The following SELPLG variants were observed in gnomAD, a reference collection of about 807,000 sequenced individuals.
SELPLG encodes the protein selectin P ligand, also known as P-selectin glycoprotein ligand 1.
Under a neutral mutation model 1.1 loss-of-function variants are expected in SELPLG, and 2 were observed. The observed-to-expected ratio is 1.82, with a 90% CI of 0.74 to 5.71. The LOEUF (loss-of-function observed/expected upper bound fraction) is 5.71. Among genes scored for constraint, SELPLG ranks in the 30% most tolerant of loss-of-function variants. The pLI, the probability that SELPLG is intolerant of heterozygous loss-of-function variation, is 0.05. For missense variants in SELPLG, 478 were observed against 524.7 expected (o/e 0.91, Z 0.87); for synonymous variants, 230 against 221.2 (o/e 1.04, Z -0.35).
chr12:108,624,486 A>G (rs2031897230), intron 1 of SELPLG, among the ~76,000 whole-genome samples, 174 bp from the exon 2 acceptor site: 1 of 152,166 alleles, frequency 6.6e-6, no homozygotes, highest in Admixed American at 6.5e-5. Flanking sequence ...CTCAGCCAGT[A>G]GCAGTTATTA....
At position 108,623,891 on chromosome 12, in the gene SELPLG, C is replaced by T. The variant is rs200694582; in HGVS notation, c.417G>A (p.Thr139=). The T allele has an allele frequency of 1.1e-4, 117 of 1,066,990 alleles. No homozygotes were observed. The highest frequency in any genetic ancestry group is 6.6e-4 in the Admixed American group (31 of 46,900). The allele number at this position is 1,066,990 out of a possible 1,614,324, so 66.1% of individuals were successfully genotyped here. The change falls in exon 2 of 2, where the codon ACG becomes ACA. Residue 139 remains threonine (T), a synonymous_variant. Coordinates refer to ENST00000550948, the MANE Select transcript of SELPLG (RefSeq NM_003006.4). ...TEAQTTQPVP[T]EAQTTPLAAT... ...CTGCCAGTGGAGTGGTCTGTGCCTC[C>T]GTGGGCACTGGTTGAGTGGTCTGTG...
At position 108,624,223 on chromosome 12, in the gene SELPLG, C is replaced by T. The variant is rs776843709; in HGVS notation, c.85G>A (p.Glu29Lys). 3.3e-5 allele frequency: 54 copies of T among 1,614,110 alleles called. 1 individual carries two copies. Among genetic ancestry groups the T allele is most frequent in the Admixed American group, 1.3e-4 (8 of 60,008 alleles). The change falls in exon 2 of 2, where the codon GAG becomes AAG. Residue 29 changes from glutamate (E) to lysine (K), a missense_variant. By Grantham distance (56) the Glu-to-Lys change is moderately conservative. Transcript: ENST00000550948. ...GCAAGCAGGGGACCCAAGGCTTTCT[C>T]GGCTTCATCTGCCCAGGTGTCCCAC... ...QLWDTWADEA[E>K]KALGPLLARD...
At chr12:108,626,386 C>T (rs769094897) in intron 1 of SELPLG, among the ~76,000 whole-genome samples, 4 of 152,150 alleles carry the variant, frequency 2.6e-5, no homozygotes, top group Non-Finnish European at 4.4e-5. Flanking sequence ...CTGCCCACCT[C>T]GGCCTCCCAA....
rs1187616931 is a variant in SELPLG at position 108,623,846 on chromosome 12, A to T, written c.462T>A (p.Thr154=). The change falls in exon 2 of 2, where the codon ACT becomes ACA. Residue 154 remains threonine, a synonymous_variant. Coordinates refer to ENST00000550948, the MANE Select transcript of SELPLG (RefSeq NM_003006.4). ...TPLAATEAQT[T]RLTATEAQTT... is the part of the protein sequence containing the mutation. ...TCTGTGCCTCCGTGGCCGTCAGTCGAGTTGTCTGTGCCTCTGTGGCTGCCA... is the reference window on the plus strand; with the variant it reads ...TCTGTGCCTCCGTGGCCGTCAGTCGTGTTGTCTGTGCCTCTGTGGCTGCCA... 6.3e-7 allele frequency: 1 copy of T among 1,578,928 alleles called. No individual in the cohort carries two copies. The highest frequency in any genetic ancestry group is 2.4e-5 in the East Asian group (1 of 40,854).
rs1201789311 is a variant in SELPLG at position 108,623,722 on chromosome 12, G to T, written c.586C>A (p.Pro196Thr). 1 of 1,606,418 alleles carries T rather than the reference G, an allele frequency of 6.2e-7. No homozygotes were observed. The highest frequency in any genetic ancestry group is 8.5e-7 in the Non-Finnish European group (1 of 1,177,470). Residue 196 changes from proline to threonine, a missense_variant, in exon 2 of 2, where the codon CCA becomes ACA. By Grantham distance (38) the Pro-to-Thr change is conservative. Transcript: ENST00000550948. ...GTGGTCTGTGCCTCCATGGCTGCTG[G>T]TGCAGTGGTCTGTGCCTCCAGGCCT... ...PTGLEAQTTA[P>T]AAMEAQTTAP...
At chr12:108,628,932 C>T (rs2031994161) in intron 1 of SELPLG, among the ~76,000 whole-genome samples, 2 of 152,122 alleles carry the variant, frequency 1.3e-5, no homozygotes, top group African/African-American at 2.4e-5. Flanking sequence ...ATTGTAAAAC[C>T]GGCAATATTG....
chr12:108,624,296 T>C lies in SELPLG; in HGVS notation c.12A>G (p.Gln4=), dbSNP rs2031893908. The change falls in exon 2 of 2, where the codon CAA becomes CAG. Residue 4 remains glutamine (Q), a synonymous_variant. Coordinates refer to ENST00000550948, the MANE Select transcript of SELPLG (RefSeq NM_003006.4). ...CCAGTAGGATCAGCAACAGGAGGAG[T>C]TGCAGAGGCATGGCACCTAGGAGGA... is the stretch of plus-strand genomic sequence containing the variant. MPL[Q]LLLLLILLGP... is the part of the protein sequence containing the mutation. The C allele has an allele frequency of 6.2e-7, 1 of 1,612,964 alleles. No individual in the cohort carries two copies. Among genetic ancestry groups the C allele is most frequent in the Non-Finnish European group, 8.5e-7 (1 of 1,179,652 alleles).
rs2031881734 is a variant in SELPLG, at chr12:108,623,898, ACTGGTTGAGT to A, written c.400_409del (p.Thr134CysfsTer20). The A allele has an allele frequency of 1.0e-6, 1 of 1,003,848 alleles. No individual in the cohort carries two copies. The allele number at this position is 1,003,848 out of a possible 1,614,324, so 62.2% of individuals were successfully genotyped here. A position where few individuals can be genotyped will look rare whatever the true frequency, so the allele number is the denominator to read the frequency against. On this transcript the variant is annotated frameshift_variant, in exon 2 of 2. Transcript: ENST00000550948. LOFTEE classifies it low-confidence loss of function (END_TRUNC). ...TGGAGTGGTCTGTGCCTCCGTGGGC[ACTGGTTGAGT>A]GGTCTGTGCCTCCGTGGCTGCTGGT...
chr12:108,632,745 A>G (rs1318061345), intron 1 of SELPLG, among the ~76,000 whole-genome samples: 1 of 152,044 alleles, frequency 6.6e-6, no homozygotes, highest in Non-Finnish European at 1.5e-5. Flanking sequence ...AGAACTCCTG[A>G]GCTCAGGCCA....
At position 108,623,437 on chromosome 12, in the gene SELPLG, C is replaced by T. The variant is rs755983316; in HGVS notation, c.871G>A (p.Val291Ile). Reference sequence around the variant, plus strand: ...GCCATGGGAATGCCCTTGTGAGTAACAGAGGACACAGAAAAGGGTATGAAC... The same window carrying T: ...GCCATGGGAATGCCCTTGTGAGTAATAGAGGACACAGAAAAGGGTATGAAC... ...GLFIPFSVSS[V>I]THKGIPMAAS... The change falls in exon 2 of 2, where the codon GTT (valine) becomes ATT (isoleucine). Residue 291 changes from valine (V) to isoleucine (I), a missense_variant. Coordinates refer to ENST00000550948, the MANE Select transcript of SELPLG (RefSeq NM_003006.4). The T allele has an allele frequency of 6.2e-7, 1 of 1,614,250 alleles. No individual in the cohort carries two copies. Among genetic ancestry groups the T allele is most frequent in the Admixed American group, 1.7e-5 (1 of 60,036 alleles).
rs377173127 is a variant in SELPLG at position 108,623,257 on chromosome 12, T to A, written c.1051A>T (p.Met351Leu). 6 of 1,613,920 alleles carry A rather than the reference T, an allele frequency of 3.7e-6. No individual in the cohort carries two copies. In the African/African-American group the frequency reaches 8.0e-5, roughly 22 times the overall value. ...GGGGAGTAATTACGCACGGGGTACA[T>A]GTGGCCCTTGCGGGAGAGGCGGACC... ...LAVRLSRKGH[M>L]YPVRNYSPTE... Residue 351 changes from methionine (M) to leucine (L), a missense_variant, in exon 2 of 2, where the codon ATG (methionine) becomes TTG (leucine). Met to Leu is a conservative substitution (Grantham distance 15). Transcript: ENST00000550948.
chr12:108,632,056 C>A, intron 1 of SELPLG: 1 of 791,016 alleles, frequency 1.3e-6, no homozygotes, highest in Non-Finnish European at 2.0e-6. Flanking sequence ...GCACTGTCCA[C>A]CCTCCAAGGT....
rs747888666 is a variant in SELPLG, at chr12:108,623,252, G to A, written c.1056C>T (p.Tyr352=). The change falls in exon 2 of 2, where the codon TAC becomes TAT. Residue 352 remains tyrosine, a synonymous_variant. Transcript: ENST00000550948. ...CGGTGGGGGAGTAATTACGCACGGG[G>A]TACATGTGGCCCTTGCGGGAGAGGC... The part of the protein sequence containing the change: ...AVRLSRKGHM[Y]PVRNYSPTEM... 5.0e-6 allele frequency: 8 copies of A among 1,614,072 alleles called. No individual in the cohort carries two copies. Among genetic ancestry groups the A allele is most frequent in the Non-Finnish European group, 6.8e-6 (8 of 1,179,944 alleles).
At chr12:108,630,024 G>C (rs189000816) in intron 1 of SELPLG, among the ~76,000 whole-genome samples, 5 of 152,166 alleles carry the variant, frequency 3.3e-5, no homozygotes, top group Admixed American at 6.5e-5. Flanking sequence ...CCGGAGCGGC[G>C]GGATCACTCC....
intron 1 of SELPLG, among the ~76,000 whole-genome samples, chr12:108,630,136 C>G (rs547737919): frequency 2.0e-5 from 3 of 152,220 alleles, no homozygotes; most frequent in African/African-American, 4.8e-5. Context: ...CCAGTGACCA[C>G]GTCCTATTTG....
chr12:108,625,133 C>A (rs1592819075), intron 1 of SELPLG, among the ~76,000 whole-genome samples: 1 of 152,158 alleles, frequency 6.6e-6, no homozygotes, highest in South Asian at 2.1e-4. Flanking sequence ...ACAGACCTCC[C>A]AGATACCGCT....
At chr12:108,632,210 C>A in intron 1 of SELPLG, 1 of 408,620 alleles carries the variant, frequency 2.4e-6, no homozygotes, top group Non-Finnish European at 4.4e-6. Context: ...CAGGGCACGG[C>A]CTCGGAAGAG....
chr12:108,623,269 G>A lies in SELPLG; in HGVS notation c.1039C>T (p.Arg347Cys), dbSNP rs267603289. The change falls in exon 2 of 2, where the codon CGC (arginine) becomes TGC (cysteine). Residue 347 changes from arginine (R) to cysteine (C), a missense_variant. Physicochemically the swap from Arg to Cys is radical, Grantham distance 180 (BLOSUM62 -3). Coordinates refer to ENST00000550948, the MANE Select transcript of SELPLG (RefSeq NM_003006.4). The part of the protein sequence containing the change: ...CTVVLAVRLS[R>C]KGHMYPVRNY... ...CGCACGGGGTACATGTGGCCCTTGC[G>A]GGAGAGGCGGACCGCCAGCACCACA... 2.9e-5 allele frequency: 46 copies of A among 1,613,964 alleles called. No individual in the cohort carries two copies. The East Asian group carries it at 3.8e-4, about 13-fold the overall frequency.
intron 1 of SELPLG, among the ~76,000 whole-genome samples, chr12:108,626,502 C>G (rs2031939458): frequency 1.3e-5 from 2 of 151,764 alleles, no homozygotes; most frequent in Admixed American, 1.3e-4. Context: ...TATTTATTGA[C>G]TTACTTATAT....
Sources: gnomAD v4.1 joint callset for allele counts (sites outside exome capture counted in the v4.1 genomes callset) on GRCh38, gnomAD v4.1.1 for gene constraint, MANE v1.5 for transcripts, NCBI Gene and HGNC (gene_info 2026-07-23, HGNC 2026-07-21) for gene names.